SYT2: variants seen among roughly 807,000 people sequenced by gnomAD.
The protein encoded by SYT2 is synaptotagmin-2.
In SYT2, 15 loss-of-function variants were observed where a neutral mutation model predicts 39.9. The observed-to-expected ratio is 0.38, with a 90% CI of 0.25 to 0.58. The LOEUF is 0.58. SYT2 is among the 20% of genes least tolerant of loss of function. The probability of loss-of-function intolerance (pLI) is 0.70; values close to 1 mark genes in which losing one functional copy is unlikely to be tolerated. For missense variants in SYT2, 389 were observed against 530.3 expected, an observed-to-expected ratio of 0.73 and a Z score of 2.62; for synonymous variants, 181 against 204.5, an observed-to-expected ratio of 0.89 and a Z score of 0.98.
chr1:202,654,058 C>T (rs556399696), intron 1 of SYT2, among the ~76,000 whole-genome samples: 3 of 152,324 alleles, frequency 2.0e-5, no homozygotes, highest in African/African-American at 7.2e-5. Context: ...TCCCTCTACC[C>T]CTCCCACTCT....
intron 1 of SYT2, among the ~76,000 whole-genome samples, chr1:202,693,858 T>C (rs551299291): frequency 5.9e-5 from 9 of 152,368 alleles, no homozygotes; most frequent in African/African-American, 2.2e-4. Context: ...TGCTTCAGGC[T>C]GTATAGGAAG....
intron 8 of SYT2, among the ~76,000 whole-genome samples, chr1:202,597,792 C>T (rs1231402990): frequency 6.6e-6 from 1 of 152,084 alleles, no homozygotes; most frequent in Non-Finnish European, 1.5e-5. Context: ...GAGGATGGAT[C>T]CCGAATACCT....
In SYT2 at chr1:202,607,892, A is replaced by T. The variant is rs191640836; in HGVS notation, c.-17-2103T>A. 5.5e-3 allele frequency among the ~76,000 whole-genome samples: 804 copies of T among 146,814 alleles called. 6 individuals are homozygous for T. Among genetic ancestry groups the T allele is most frequent in the African/African-American group, 0.016 (653 of 41,186 alleles). On this transcript the variant is annotated intron_variant, in intron 1 of 8. Coordinates refer to ENST00000367268, the MANE Select transcript of SYT2 (RefSeq NM_177402.5). ...CAGGGCTCTGTGACCTTTTTTTTTT[A>T]AAAAACAGCTTTATTGAGATGTAAT... is the stretch of plus-strand genomic sequence containing the variant.
At chr1:202,656,785 G>A (rs1692284843) in intron 1 of SYT2, among the ~76,000 whole-genome samples, 3 of 152,190 alleles carry the variant, frequency 2.0e-5, no homozygotes, top group Non-Finnish European at 2.9e-5. Flanking sequence ...GCCTCTGCTA[G>A]AACATTCCAG....
In SYT2 at chr1:202,699,010, C is replaced by CTTTTT. The variant is rs5780118; in HGVS notation, c.-18+11243_-18+11247dup. ...TGGATAGAACCAGTAACCAAACTGT[C>CTTTTT]TTTTTTTTTTTTTTTTTTTTTTTGA... On this transcript the variant is annotated intron_variant, in intron 1 of 8. Transcript: ENST00000367268. 2.5e-3 allele frequency among the ~76,000 whole-genome samples: 248 copies of CTTTTT among 97,920 alleles called. 6 individuals carry two copies. The highest frequency in any genetic ancestry group is 3.4e-3 in the Non-Finnish European group (175 of 50,852). 64.2% of individuals were successfully genotyped at this position (97,920 alleles called of 152,430 possible).
chr1:202,695,805 C>A (rs563341760), intron 1 of SYT2, among the ~76,000 whole-genome samples: 1 of 152,322 alleles, frequency 6.6e-6, no homozygotes, highest in South Asian at 2.1e-4. Context: ...AAGGCTCTTT[C>A]TCTGCCTTTC....
At chr1:202,632,573 T>A (rs1691623959) in intron 1 of SYT2, 1 of 985,212 alleles carries the variant, frequency 1.0e-6, no homozygotes, top group South Asian at 4.7e-5. Flanking sequence ...ATGAGAAGAC[T>A]AAGCCCAGAG....
chr1:202,692,271 G>GGCCCTATCCCCAGCTAA (rs1653856168), intron 1 of SYT2, among the ~76,000 whole-genome samples: 1 of 152,054 alleles, frequency 6.6e-6, no homozygotes, highest in Non-Finnish European at 1.5e-5. Context: ...CTCATTTGGA[G>GGCCCTATCCCCAGCTAA]GCCCTATCCC....
chr1:202,595,613 C>T lies in SYT2; in HGVS notation c.*1144G>A, dbSNP rs1020576948. On this transcript the variant is annotated 3_prime_UTR_variant, in exon 9 of 9. Coordinates refer to ENST00000367268, the MANE Select transcript of SYT2 (RefSeq NM_177402.5). Reference sequence around the variant, plus strand: ...GGAGAACTAAGAACATTTAAACTTTCCTTTTAAAGTTCTCTGGCTCTGCAC... The same window carrying T: ...GGAGAACTAAGAACATTTAAACTTTTCTTTTAAAGTTCTCTGGCTCTGCAC... 1 of 152,234 alleles carries T rather than the reference C, an allele frequency of 6.6e-6. No individual in the cohort carries two copies. Among genetic ancestry groups the T allele is most frequent in the Non-Finnish European group, 1.5e-5 (1 of 68,058 alleles). The allele number at this position is 152,234 out of a possible 1,614,324, so 9.4% of individuals were successfully genotyped here.
intron 1 of SYT2, among the ~76,000 whole-genome samples, chr1:202,621,171 C>A (rs1382731960): frequency 1.3e-5 from 2 of 152,174 alleles, no homozygotes; most frequent in African/African-American, 4.8e-5. Context: ...CTTTCTGTAT[C>A]TTTAAATTTT....
In SYT2 at chr1:202,596,464, G is replaced by A. The variant is rs1690300937; in HGVS notation, c.*293C>T. ...CAGTAGAGAGCCTCGCTTGGGGTGA[G>A]GCAGATGTGAAGCTTTGAAAGAGTC... On this transcript the variant is annotated 3_prime_UTR_variant, in exon 9 of 9. Transcript: ENST00000367268. 1 of 304,550 alleles carries A rather than the reference G, an allele frequency of 3.3e-6. No individual in the cohort carries two copies. The allele number at this position is 304,550 out of a possible 1,614,324, so 18.9% of individuals were successfully genotyped here.
chr1:202,703,070 T>C (rs951688288), intron 1 of SYT2, among the ~76,000 whole-genome samples: 3 of 152,200 alleles, frequency 2.0e-5, no homozygotes, highest in Admixed American at 2.0e-4. Context: ...ACAACACATC[T>C]GGATCATTAG....
intron 1 of SYT2, among the ~76,000 whole-genome samples, chr1:202,653,849 C>T (rs955896120): frequency 5.9e-5 from 9 of 152,176 alleles, no homozygotes; most frequent in African/African-American, 2.2e-4. Context: ...AGGCTGGGAG[C>T]CTGGGTTCTG....
intron 1 of SYT2, among the ~76,000 whole-genome samples, chr1:202,613,060 G>T: frequency 7.2e-6 from 1 of 139,600 alleles, no homozygotes; most frequent in Non-Finnish European, 1.5e-5. Flanking sequence ...CGAACTCATT[G>T]GTTCTTCCTT....
At chr1:202,664,308 C>T (rs942000435) in intron 1 of SYT2, among the ~76,000 whole-genome samples, 1 of 152,162 alleles carries the variant, frequency 6.6e-6, no homozygotes, top group Non-Finnish European at 1.5e-5. Flanking sequence ...TCTTGGGTTT[C>T]CTGCATGCAC....
chr1:202,658,938 C>T (rs1253704322), intron 1 of SYT2, among the ~76,000 whole-genome samples: 1 of 152,116 alleles, frequency 6.6e-6, no homozygotes, highest in Non-Finnish European at 1.5e-5. Context: ...AAATGCTTGC[C>T]AGATTGGAGA....
intron 1 of SYT2, among the ~76,000 whole-genome samples, chr1:202,657,067 C>G (rs1193078381): frequency 2.0e-5 from 3 of 152,216 alleles, no homozygotes; most frequent in African/African-American, 7.2e-5. Context: ...CTTCCGGGCA[C>G]AGCTCATTTT....
intron 1 of SYT2, among the ~76,000 whole-genome samples, chr1:202,652,650 A>T (rs1379432116): frequency 6.6e-6 from 1 of 152,076 alleles, no homozygotes; most frequent in African/African-American, 2.4e-5. Flanking sequence ...GCCCAGCCCC[A>T]TCTCCCAGAG....
intron 1 of SYT2, among the ~76,000 whole-genome samples, chr1:202,653,314 C>T (rs1314239939): frequency 6.6e-6 from 1 of 152,168 alleles, no homozygotes; most frequent in African/African-American, 2.4e-5. Flanking sequence ...CCTAGAGCAC[C>T]TTTAGTTCTC....
Sources: gnomAD v4.1 joint callset for allele counts (sites outside exome capture counted in the v4.1 genomes callset) on GRCh38, gnomAD v4.1.1 for gene constraint, MANE v1.5 for transcripts, NCBI Gene and HGNC (gene_info 2026-07-23, HGNC 2026-07-21) for gene names.